DPF3: variants seen among roughly 807,000 people sequenced by gnomAD.
The protein encoded by DPF3 is double PHD fingers 3, also known as zinc finger protein DPF3.
DPF3 carries 18 observed loss-of-function variants against 56.8 expected under a neutral mutation model. That is an observed-to-expected ratio of 0.32 (90% CI 0.22 to 0.47). The LOEUF (loss-of-function observed/expected upper bound fraction) is 0.47. Ranked by LOEUF, DPF3 falls within the 20% of genes least tolerant of loss-of-function variation. The pLI, the probability that DPF3 is intolerant of heterozygous loss-of-function variation, is 1.00. For missense variants in DPF3, 403 were observed against 488.8 expected, an observed-to-expected ratio of 0.82 and a Z score of 1.65; for synonymous variants, 188 against 180.2, an observed-to-expected ratio of 1.04 and a Z score of -0.35.
chr14:72,874,507 T>G (rs573933564), intron 1 of DPF3, among the ~76,000 whole-genome samples: 1 of 151,898 alleles, frequency 6.6e-6, no homozygotes. Context: ...AGAAAGAAAT[T>G]TATTCCACCA....
chr14:72,800,770 ATGAGTGGATG>A (rs1892861472), intron 1 of DPF3, among the ~76,000 whole-genome samples: 2 of 152,204 alleles, frequency 1.3e-5, no homozygotes, highest in Non-Finnish European at 2.9e-5. Context: ...GGGTGGATGC[ATGAGTGGATG>A]CATGGGTGGA....
chr14:72,615,874 C>T lies in DPF3; in HGVS notation c.*3423G>A, dbSNP rs1884059665. On this transcript the variant is annotated 3_prime_UTR_variant, in exon 11 of 11. Coordinates refer to ENST00000556509, the MANE Select transcript of DPF3 (RefSeq NM_001280542.3). The stretch of plus-strand genomic sequence containing the variant: ...CCAAAAAGCAGGGTTTCAAAAATGC[C>T]TACAGGAAACAGGATTTCCACTTCC... 6.6e-6 allele frequency among the ~76,000 whole-genome samples: 1 copy of T among 152,238 alleles called. No homozygotes were observed. The highest frequency in any genetic ancestry group is 2.4e-5 in the African/African-American group (1 of 41,460).
chr14:72,760,514 C>A (rs1178026929), intron 2 of DPF3, among the ~76,000 whole-genome samples: 2 of 152,242 alleles, frequency 1.3e-5, no homozygotes, highest in South Asian at 4.1e-4. Context: ...GTAACATACG[C>A]ACAGATTTCA....
chr14:72,694,385 G>A (rs1013242287), intron 6 of DPF3, among the ~76,000 whole-genome samples: 6 of 152,170 alleles, frequency 3.9e-5, no homozygotes, highest in East Asian at 1.9e-4. Context: ...ACATGACCAC[G>A]TCATACAAGG....
At chr14:72,650,225 C>T (rs923291592) in intron 8 of DPF3, among the ~76,000 whole-genome samples, 8 of 152,262 alleles carry the variant, frequency 5.3e-5, no homozygotes, top group African/African-American at 1.9e-4. Context: ...ATCTAAGATC[C>T]GGGAATAAAG....
At chr14:72,715,649 C>A (rs991429377) in intron 5 of DPF3, among the ~76,000 whole-genome samples, 29 of 151,934 alleles carry the variant, frequency 1.9e-4, no homozygotes, top group African/African-American at 6.8e-4. Context: ...TGCACACACA[C>A]ACTCCATGTA....
At chr14:72,787,992 G>A (rs1892278587) in intron 1 of DPF3, among the ~76,000 whole-genome samples, 1 of 152,204 alleles carries the variant, frequency 6.6e-6, no homozygotes, top group South Asian at 2.1e-4. Context: ...CTGGAGAGAA[G>A]AGAGGGCTTT....
chr14:72,788,479 C>T (rs1180907860), intron 1 of DPF3, among the ~76,000 whole-genome samples: 2 of 152,242 alleles, frequency 1.3e-5, no homozygotes, highest in Non-Finnish European at 2.9e-5. Flanking sequence ...GCACCGCCAG[C>T]ACATGCCCCA....
Position 72,612,697 on chromosome 14 carries a change from G to T in DPF3, c.*6600C>A. 1.9e-5 allele frequency: 9 copies of T among 478,288 alleles called. No individual in the cohort carries two copies. Among genetic ancestry groups the T allele is most frequent in the South Asian group, 1.4e-4 (9 of 66,452 alleles). The allele number at this position is 478,288 out of a possible 1,614,324, so 29.6% of individuals were successfully genotyped here. ...CACAAACCCCATTCTAGCCATAAAA[G>T]CTTTGCATCCCTTTGATAGCAGAAT... On this transcript the variant is annotated 3_prime_UTR_variant, in exon 11 of 11. Coordinates refer to ENST00000556509, the MANE Select transcript of DPF3 (RefSeq NM_001280542.3).
At chr14:72,869,929 C>T (rs990748310) in intron 1 of DPF3, among the ~76,000 whole-genome samples, 2 of 152,010 alleles carry the variant, frequency 1.3e-5, no homozygotes, top group Admixed American at 1.3e-4. Context: ...AGATTCAGAG[C>T]AGTCAGTTCA....
At chr14:72,681,242 G>A (rs1047878394) in intron 7 of DPF3, among the ~76,000 whole-genome samples, 5 of 152,176 alleles carry the variant, frequency 3.3e-5, no homozygotes, top group Admixed American at 6.5e-5. Context: ...AGAGTCCCCC[G>A]AGCACAGGGT....
intron 1 of DPF3, among the ~76,000 whole-genome samples, chr14:72,876,247 G>A (rs546035556): frequency 2.2e-4 from 33 of 152,292 alleles, no homozygotes; most frequent in Non-Finnish European, 2.9e-4. Context: ...CCCACAGGGT[G>A]TCTCCCTCAC....
intron 8 of DPF3, among the ~76,000 whole-genome samples, chr14:72,642,058 G>T (rs1885579891): frequency 6.6e-6 from 1 of 152,200 alleles, no homozygotes; most frequent in African/African-American, 2.4e-5. Flanking sequence ...CAGCTCATGA[G>T]GACCTGAGGC....
intron 1 of DPF3, among the ~76,000 whole-genome samples, chr14:72,869,964 G>A (rs1885832602): frequency 1.3e-5 from 2 of 152,060 alleles, no homozygotes; most frequent in Non-Finnish European, 2.9e-5. Context: ...TTTCTGCTTG[G>A]TTATCAGACC....
intron 8 of DPF3, among the ~76,000 whole-genome samples, chr14:72,643,608 C>T (rs1265542285): frequency 2.0e-5 from 3 of 152,220 alleles, no homozygotes; most frequent in South Asian, 2.1e-4. Flanking sequence ...TCATGCCCCC[C>T]GCCACCTCAC....
chr14:72,616,126 T>A lies in DPF3; in HGVS notation c.*3171A>T, dbSNP rs572853959. Reference sequence around the variant, plus strand: ...CTTTACCAATGTCACCTTGAATACCTGCAAAGACCATGCTGGATAGGCCAT... The same window carrying A: ...CTTTACCAATGTCACCTTGAATACCAGCAAAGACCATGCTGGATAGGCCAT... On this transcript the variant is annotated 3_prime_UTR_variant, in exon 11 of 11. Coordinates refer to ENST00000556509, the MANE Select transcript of DPF3 (RefSeq NM_001280542.3). Among the ~76,000 whole-genome samples, 7 of 152,324 alleles carry A rather than the reference T, an allele frequency of 4.6e-5. No individual in the cohort carries two copies. Among genetic ancestry groups the A allele is most frequent in the African/African-American group, 1.7e-4 (7 of 41,562 alleles).
intron 4 of DPF3, among the ~76,000 whole-genome samples, chr14:72,729,866 G>T (rs1245017429): frequency 1.3e-5 from 2 of 152,122 alleles, no homozygotes; most frequent in African/African-American, 4.8e-5. Context: ...TTACACATTT[G>T]TTCAAACCCA....
At chr14:72,875,306 C>G (rs1337238600) in intron 1 of DPF3, among the ~76,000 whole-genome samples, 1 of 152,084 alleles carries the variant, frequency 6.6e-6, no homozygotes, top group Non-Finnish European at 1.5e-5. Context: ...ACTTGGGAAG[C>G]TGGGGTGGGA....
At chr14:72,787,038 A>G (rs1892236374) in intron 1 of DPF3, among the ~76,000 whole-genome samples, 1 of 152,194 alleles carries the variant, frequency 6.6e-6, no homozygotes, top group Admixed American at 6.5e-5. Flanking sequence ...GGACTCAGAG[A>G]GAGTTGATTT....
Sources: gnomAD v4.1 joint callset for allele counts (sites outside exome capture counted in the v4.1 genomes callset) on GRCh38, gnomAD v4.1.1 for gene constraint, MANE v1.5 for transcripts, NCBI Gene and HGNC (gene_info 2026-07-23, HGNC 2026-07-21) for gene names.